The following DOCK3 variants were observed in gnomAD, a reference collection of about 807,000 sequenced individuals.
DOCK3 encodes the protein dedicator of cytokinesis protein 3.
In DOCK3, 60 loss-of-function variants were observed where a neutral mutation model predicts 265.6. The ratio of observed to expected loss-of-function variants is 0.23; its 90% CI spans 0.18 to 0.28. The LOEUF (loss-of-function observed/expected upper bound fraction) is 0.28. Ranked by LOEUF, DOCK3 falls within the 10% of genes least tolerant of loss-of-function variation. The pLI is 1.00. For synonymous variants in DOCK3, 881 were observed against 938.0 expected (o/e 0.94, Z 1.11); for missense variants, 1,981 against 2,594.3 (o/e 0.76, Z 5.14).
chr3:50,758,204 A>G (rs907183185), intron 1 of DOCK3, among the ~76,000 whole-genome samples: 2 of 150,128 alleles, frequency 1.3e-5, no homozygotes, highest in Admixed American at 6.7e-5. Context: ...AAAGAAAAAA[A>G]AAAAGAAAAT....
intron 14 of DOCK3, among the ~76,000 whole-genome samples, chr3:51,219,105 C>T (rs1397874580): frequency 3.3e-5 from 5 of 152,184 alleles, no homozygotes; most frequent in African/African-American, 1.2e-4. Context: ...TGACTCTTCC[C>T]CTTGTGCTCA....
Position 51,362,658 on chromosome 3 carries a change from C to T in DOCK3, c.5277C>T (p.Ala1759=), listed in dbSNP as rs767811312. 2 of 1,613,710 alleles carry T rather than the reference C, an allele frequency of 1.2e-6. No individual in the cohort carries two copies. Among genetic ancestry groups the T allele is most frequent in the East Asian group, 4.5e-5 (2 of 44,852 alleles). The change falls in exon 49 of 53, where the codon GCC becomes GCT. Residue 1759 remains alanine, a synonymous_variant. Coordinates refer to ENST00000266037, the MANE Select transcript of DOCK3 (RefSeq NM_004947.5). The part of the protein sequence containing the change: ...HSAPSQMITS[A]PSSARGSPSL... ...CACCATCCCAGATGATTACCTCTGCCCCTTCCAGTGCCCGAGGTAAGGATG... is the reference window on the plus strand; with the variant it reads ...CACCATCCCAGATGATTACCTCTGCTCCTTCCAGTGCCCGAGGTAAGGATG...
At chr3:51,087,065 A>G (rs1196140267) in intron 7 of DOCK3, among the ~76,000 whole-genome samples, 1 of 152,192 alleles carries the variant, frequency 6.6e-6, no homozygotes, top group East Asian at 1.9e-4. Context: ...AACTAACACA[A>G]GCTCTTTTCA....
rs1029963390 is a variant in DOCK3 at position 50,675,422 on chromosome 3, G to C, written c.37+122G>C. The C allele has an allele frequency of 8.5e-6, 8 of 944,336 alleles. No individual in the cohort carries two copies. In the Admixed American group the frequency reaches 1.6e-4, roughly 19 times the overall value. 58.5% of individuals were successfully genotyped at this position (944,336 alleles called of 1,614,324 possible). A position where few individuals can be genotyped will look rare whatever the true frequency, so the allele number is the denominator to read the frequency against. On this transcript the variant is annotated intron_variant, in intron 1 of 52. Coordinates refer to ENST00000266037, the MANE Select transcript of DOCK3 (RefSeq NM_004947.5). This position sits in a 1 kb window ranked among gnomAD's most constrained non-coding sequence, Gnocchi z 6.1. Reference sequence around the variant, plus strand: ...CCCGCAGGCTGCGCGGCCTCGGCGCGGGGCGAGCGCGGGGTGGGGGCAGGT... The same window carrying C: ...CCCGCAGGCTGCGCGGCCTCGGCGCCGGGCGAGCGCGGGGTGGGGGCAGGT...
At chr3:50,963,700 C>T (rs6810241) in intron 5 of DOCK3, among the ~76,000 whole-genome samples, 128,332 of 152,062 alleles carry the variant, frequency 0.84, 54,592 homozygotes, top group East Asian at 0.95. Context: ...ATCCTTTAGA[C>T]ACAGGAAATA....
intron 31 of DOCK3, 28 bp from the exon 32 acceptor site, chr3:51,314,952 A>G: frequency 6.3e-7 from 1 of 1,583,196 alleles, no homozygotes; most frequent in South Asian, 1.2e-5. Flanking sequence ...CAAAGCAGGC[A>G]TAAACTAATT....
intron 5 of DOCK3, among the ~76,000 whole-genome samples, chr3:51,005,338 C>G (rs1195461513): frequency 1.3e-5 from 2 of 152,126 alleles, no homozygotes; most frequent in Non-Finnish European, 2.9e-5. Flanking sequence ...TGCCCCCAAA[C>G]TTAATTTCTG....
At chr3:51,031,301 A>C (rs924249538) in intron 5 of DOCK3, among the ~76,000 whole-genome samples, 1 of 152,080 alleles carries the variant, frequency 6.6e-6, no homozygotes, top group Non-Finnish European at 1.5e-5. Context: ...AGATCATAAA[A>C]CCATACTGAT....
At chr3:50,894,850 AAGCTTTATTC>A (rs759705650) in intron 4 of DOCK3, among the ~76,000 whole-genome samples, 1 of 152,132 alleles carries the variant, frequency 6.6e-6, no homozygotes, top group Non-Finnish European at 1.5e-5. Context: ...TTGGTTAATT[AAGCTTTATTC>A]TTATATATTC....
intron 5 of DOCK3, among the ~76,000 whole-genome samples, chr3:51,000,248 A>G (rs755435770): frequency 2.0e-5 from 3 of 152,230 alleles, no homozygotes; most frequent in Non-Finnish European, 4.4e-5. Flanking sequence ...GTGTTCTTGA[A>G]CAATGCCAGC....
intron 43 of DOCK3, 34 bp downstream of exon 43, chr3:51,356,527 A>G: frequency 6.3e-7 from 1 of 1,592,300 alleles, no homozygotes; most frequent in Non-Finnish European, 8.6e-7. Context: ...TGAGCTTCAC[A>G]ACTGCTCCAT....
chr3:50,717,223 G>A (rs915184123), intron 1 of DOCK3, among the ~76,000 whole-genome samples: 6 of 152,154 alleles, frequency 3.9e-5, no homozygotes, highest in South Asian at 2.1e-4. Context: ...TATACTTGCC[G>A]ATCCTCATTT....
intron 27 of DOCK3, among the ~76,000 whole-genome samples, chr3:51,297,271 T>C (rs2082140012): frequency 6.6e-6 from 1 of 152,170 alleles, no homozygotes; most frequent in Non-Finnish European, 1.5e-5. Context: ...TATATCTTGT[T>C]GTGTTAAGCA....
intron 49 of DOCK3, among the ~76,000 whole-genome samples, chr3:51,364,886 C>A (rs1040825005): frequency 6.6e-6 from 1 of 152,142 alleles, no homozygotes; most frequent in Non-Finnish European, 1.5e-5. Context: ...GTTACTGTAG[C>A]CTTGTAGTAT....
intron 5 of DOCK3, among the ~76,000 whole-genome samples, chr3:51,030,199 T>G (rs1432973799): frequency 2.0e-5 from 3 of 152,208 alleles, no homozygotes; most frequent in African/African-American, 7.2e-5. Context: ...ACTCCAAACT[T>G]GACCATTCAC....
chr3:51,225,851 T>A (rs2108354700), intron 15 of DOCK3, 78 bp downstream of exon 15: 2 of 1,510,168 alleles, frequency 1.3e-6, no homozygotes, highest in East Asian at 4.7e-5. Flanking sequence ...CAGAGGCCCA[T>A]TCTCTTCAAG....
intron 1 of DOCK3, among the ~76,000 whole-genome samples, chr3:50,746,492 T>A (rs1194738050): frequency 2.0e-5 from 3 of 152,178 alleles, no homozygotes; most frequent in Non-Finnish European, 4.4e-5. Context: ...CCGAAGGTCA[T>A]GACAATTTTC....
chr3:50,929,823 T>G (rs1050453155), intron 4 of DOCK3, among the ~76,000 whole-genome samples: 4 of 152,226 alleles, frequency 2.6e-5, no homozygotes, highest in African/African-American at 7.2e-5. Context: ...TCTAGCTGAT[T>G]TTGACATTTT....
At chr3:51,307,877 GGGTTTTTTTTTTT>G (rs2082777921) in intron 27 of DOCK3, among the ~76,000 whole-genome samples, 1 of 10,050 alleles carries the variant, frequency 1.0e-4, no homozygotes, top group East Asian at 1.1e-3. Flanking sequence ...TAAATTATAT[GGGTTTTTTTTTTT>G]GTTTTTTTTT....
Sources: gnomAD v4.1 joint callset for allele counts (sites outside exome capture counted in the v4.1 genomes callset) on GRCh38, gnomAD v4.1.1 for gene constraint, Gnocchi (gnomAD v3.1) non-coding constraint, MANE v1.5 for transcripts, NCBI Gene and HGNC (gene_info 2026-07-23, HGNC 2026-07-21) for gene names.